The following PCCA variants were observed in gnomAD, a reference collection of about 807,000 sequenced individuals.
PCCA encodes the protein propionyl-CoA carboxylase alpha chain, mitochondrial.
PCCA carries 74 observed loss-of-function variants against 101.3 expected under a neutral mutation model. The observed-to-expected ratio is 0.73, with a 90% CI of 0.61 to 0.89. The LOEUF is 0.89. Ranked by LOEUF, PCCA falls within the 40% of genes least tolerant of loss-of-function variation. The pLI, the probability that PCCA is intolerant of heterozygous loss-of-function variation, is 0.00. For synonymous variants in PCCA, 294 were observed against 313.6 expected (o/e 0.94, Z 0.66); for missense variants, 891 against 907.0 (o/e 0.98, Z 0.23).
At chr13:100,405,250 G>C (rs2077605391) in intron 19 of PCCA, among the ~76,000 whole-genome samples, 1 of 152,168 alleles carries the variant, frequency 6.6e-6, no homozygotes, top group African/African-American at 2.4e-5. Context: ...CCCATCCCCT[G>C]GCAGGATTTA....
intron 6 of PCCA, among the ~76,000 whole-genome samples, chr13:100,193,709 A>G (rs2057894560): frequency 6.6e-6 from 1 of 152,098 alleles, no homozygotes; most frequent in African/African-American, 2.4e-5. Flanking sequence ...TCTTAATCAG[A>G]ATAAAGGGTG....
intron 7 of PCCA, among the ~76,000 whole-genome samples, chr13:100,230,097 T>G (rs2060375306): frequency 6.6e-6 from 1 of 152,232 alleles, no homozygotes. Flanking sequence ...GTTAATTTGC[T>G]AAACTCTGGG....
intron 21 of PCCA, among the ~76,000 whole-genome samples, chr13:100,486,125 C>T (rs1298340629): frequency 1.3e-5 from 2 of 152,226 alleles, no homozygotes; most frequent in East Asian, 1.9e-4. Context: ...TGAAAACTGC[C>T]TCATTCTCTG....
intron 4 of PCCA, among the ~76,000 whole-genome samples, chr13:100,134,056 T>TC (rs1380450078): frequency 6.6e-6 from 1 of 152,184 alleles, no homozygotes; most frequent in Non-Finnish European, 1.5e-5. Flanking sequence ...GCTTCCCTGC[T>TC]CTTAGCTTGC....
chr13:100,378,296 G>A (rs1029289992), intron 19 of PCCA, among the ~76,000 whole-genome samples: 3 of 152,112 alleles, frequency 2.0e-5, no homozygotes, highest in Non-Finnish European at 2.9e-5. Context: ...CTAAGATGTC[G>A]ACTGTTAGTC....
intron 7 of PCCA, among the ~76,000 whole-genome samples, chr13:100,233,204 T>C (rs1306677805): frequency 6.6e-6 from 1 of 152,220 alleles, no homozygotes; most frequent in African/African-American, 2.4e-5. Flanking sequence ...TGACAATTTC[T>C]TTTTAAAAAG....
chr13:100,523,418 A>T (rs2087463210), intron 22 of PCCA, among the ~76,000 whole-genome samples: 1 of 152,136 alleles, frequency 6.6e-6, no homozygotes, highest in Non-Finnish European at 1.5e-5. Context: ...GCCTATATCC[A>T]TTAGAGTCAT....
chr13:100,482,714 G>C (rs1359913758), intron 21 of PCCA, among the ~76,000 whole-genome samples: 2 of 152,152 alleles, frequency 1.3e-5, no homozygotes, highest in African/African-American at 4.8e-5. Context: ...TCAGCCTCCC[G>C]AGTTGCTGGG....
intron 17 of PCCA, among the ~76,000 whole-genome samples, chr13:100,335,752 G>GT (rs2070347544): frequency 1.3e-5 from 2 of 152,130 alleles, no homozygotes; most frequent in African/African-American, 4.8e-5. Context: ...TCCTCAGTTG[G>GT]TTCCCAGGGG....
intron 15 of PCCA, 88 bp from the exon 16 acceptor site, chr13:100,309,745 T>C (rs181511046): frequency 4.7e-6 from 4 of 843,640 alleles, no homozygotes; most frequent in Non-Finnish European, 7.5e-6. Context: ...AAATCTGTTA[T>C]GAAATATTTT....
intron 16 of PCCA, among the ~76,000 whole-genome samples, chr13:100,313,393 A>C (rs557487044): frequency 2.0e-4 from 30 of 152,290 alleles, no homozygotes; most frequent in African/African-American, 7.2e-4. Flanking sequence ...TACTCAAATA[A>C]ATTTCTCCCA....
chr13:100,123,699 G>T (rs1364066268), intron 4 of PCCA, among the ~76,000 whole-genome samples: 1 of 152,078 alleles, frequency 6.6e-6, no homozygotes, highest in Non-Finnish European at 1.5e-5. Flanking sequence ...AATTGATGGG[G>T]AGTAGCCTAA....
intron 12 of PCCA, among the ~76,000 whole-genome samples, chr13:100,276,356 G>T (rs1023445113): frequency 9.3e-5 from 14 of 151,228 alleles, no homozygotes; most frequent in African/African-American, 3.2e-4. Context: ...GGACATAATT[G>T]ATTTTTCCTT....
intron 21 of PCCA, among the ~76,000 whole-genome samples, chr13:100,474,420 T>C (rs1314279082): frequency 6.6e-6 from 1 of 150,872 alleles, no homozygotes; most frequent in African/African-American, 2.5e-5. Context: ...GCCATTCTTA[T>C]AATTTTATGT....
At chr13:100,498,526 C>G (rs190347660) in intron 21 of PCCA, among the ~76,000 whole-genome samples, 4 of 152,202 alleles carry the variant, frequency 2.6e-5, no homozygotes, top group Admixed American at 2.6e-4. Flanking sequence ...TAACCATTAG[C>G]TAAGTTAAAA....
chr13:100,465,672 C>T (rs912353478), intron 21 of PCCA, among the ~76,000 whole-genome samples: 1 of 152,164 alleles, frequency 6.6e-6, no homozygotes, highest in Non-Finnish European at 1.5e-5. Context: ...TGTTTAGCAG[C>T]ATCCTTGGCG....
intron 21 of PCCA, among the ~76,000 whole-genome samples, chr13:100,450,818 T>G (rs2081169898): frequency 6.6e-6 from 1 of 152,244 alleles, no homozygotes; most frequent in Non-Finnish European, 1.5e-5. Context: ...GTGATTATTC[T>G]TGTTTTTCTG....
chr13:100,295,034 A>C (rs570974979), intron 12 of PCCA, among the ~76,000 whole-genome samples: 1 of 152,130 alleles, frequency 6.6e-6, no homozygotes, highest in East Asian at 1.9e-4. Context: ...AGTTTATAGG[A>C]GTGATGTGTT....
intron 23 of PCCA, 94 bp downstream of exon 23, chr13:100,527,846 G>A (rs921180627): frequency 1.1e-6 from 1 of 922,530 alleles, no homozygotes; most frequent in African/African-American, 1.6e-5. Context: ...AAGGGCCACA[G>A]AGGCGCCCTC....
Sources: gnomAD v4.1 joint callset for allele counts (sites outside exome capture counted in the v4.1 genomes callset) on GRCh38, gnomAD v4.1.1 for gene constraint, MANE v1.5 for transcripts, NCBI Gene and HGNC (gene_info 2026-07-23, HGNC 2026-07-21) for gene names.